Variants in CDC123 observed in about 807,000 individuals in gnomAD.
The protein encoded by CDC123 is cell division cycle 123, also known as translation initiation factor eIF2 assembly protein.
Under a neutral mutation model 54.4 loss-of-function variants are expected in CDC123, and 37 were observed. The observed-to-expected ratio is 0.68, with a 90% CI of 0.52 to 0.89. The LOEUF (loss-of-function observed/expected upper bound fraction) is 0.89. Among genes scored for constraint, CDC123 ranks in the 40% least tolerant of loss-of-function variants. The pLI, the probability that CDC123 is intolerant of heterozygous loss-of-function variation, is 0.00. For missense variants in CDC123, 361 were observed against 412.1 expected (o/e 0.88, Z 1.07); for synonymous variants, 144 against 136.8 (o/e 1.05, Z -0.37).
intron 2 of CDC123, among the ~76,000 whole-genome samples, chr10:12,202,987 C>G (rs1409509100): frequency 6.6e-6 from 1 of 152,210 alleles, no homozygotes; most frequent in East Asian, 1.9e-4. Context: ...TGCACCCCAG[C>G]CTGGGCGACA....
intron 12 of CDC123, 169 bp from the exon 13 acceptor site, chr10:12,250,142 A>G: frequency 2.0e-6 from 1 of 507,874 alleles, no homozygotes; most frequent in Non-Finnish European, 3.5e-6. Flanking sequence ...ACCTGAGGAT[A>G]ATTTGCTCAG....
intron 6 of CDC123, among the ~76,000 whole-genome samples, chr10:12,221,284 G>GAACCCAC (rs57317800): frequency 7.9e-5 from 12 of 152,116 alleles, no homozygotes; most frequent in Non-Finnish European, 1.6e-4. Context: ...AGGTCGCCAG[G>GAACCCAC]GCTCTTTCAG....
chr10:12,196,488 A>G (rs1474270636), intron 1 of CDC123, among the ~76,000 whole-genome samples, 169 bp downstream of exon 1: 1 of 152,142 alleles, frequency 6.6e-6, no homozygotes, highest in Non-Finnish European at 1.5e-5. Context: ...CGAGCCAGCG[A>G]GTGTGCTGGC....
At chr10:12,235,257 C>A in intron 8 of CDC123, 134 bp downstream of exon 8, 1 of 691,524 alleles carries the variant, frequency 1.4e-6, no homozygotes, top group Admixed American at 2.4e-5. Flanking sequence ...CCACCTCTAA[C>A]CAGTTGATAC....
At chr10:12,241,964 G>C (rs958176044) in intron 10 of CDC123, among the ~76,000 whole-genome samples, 1 of 102,368 alleles carries the variant, frequency 9.8e-6, no homozygotes, top group African/African-American at 3.2e-5. Flanking sequence ...TCTGTTCTTC[G>C]GGTTCTTGTT....
chr10:12,240,493 G>T (rs1564258650), intron 10 of CDC123, among the ~76,000 whole-genome samples: 1 of 152,182 alleles, frequency 6.6e-6, no homozygotes, highest in Non-Finnish European at 1.5e-5. Flanking sequence ...ACTGTTAACT[G>T]TTCATTTAAC....
chr10:12,229,289 G>A (rs965837761), intron 6 of CDC123, among the ~76,000 whole-genome samples: 2 of 152,186 alleles, frequency 1.3e-5, no homozygotes, highest in Non-Finnish European at 2.9e-5. Context: ...TCTCCCTTGC[G>A]TAGTTGGAGA....
intron 4 of CDC123, among the ~76,000 whole-genome samples, chr10:12,210,859 C>T (rs1835588615): frequency 6.6e-6 from 1 of 152,052 alleles, no homozygotes; most frequent in African/African-American, 2.4e-5. Context: ...TGACACCATG[C>T]CCGGCTAATT....
At chr10:12,202,493 A>G (rs1419755447) in intron 2 of CDC123, among the ~76,000 whole-genome samples, 1 of 151,956 alleles carries the variant, frequency 6.6e-6, no homozygotes, top group Non-Finnish European at 1.5e-5. Flanking sequence ...CCTCCAGTCC[A>G]ATTCAGTTGA....
intron 10 of CDC123, among the ~76,000 whole-genome samples, chr10:12,239,894 G>A (rs1427301859): frequency 6.6e-6 from 1 of 151,294 alleles, no homozygotes; most frequent in Non-Finnish European, 1.5e-5. Context: ...TGTAGTCCCA[G>A]CTACTCTGGA....
chr10:12,244,064 T>TGAAAACATCCTGC (rs889690482), intron 10 of CDC123, among the ~76,000 whole-genome samples: 5 of 152,324 alleles, frequency 3.3e-5, no homozygotes, highest in African/African-American at 9.6e-5. Context: ...TGGGTTGTGC[T>TGAAAACATCCTGC]GAAAACATCC....
chr10:12,212,875 C>T (rs1025008761), intron 4 of CDC123, among the ~76,000 whole-genome samples: 1 of 152,194 alleles, frequency 6.6e-6, no homozygotes, highest in African/African-American at 2.4e-5. Context: ...AAATCCAAAA[C>T]ACTTCTGGTC....
At chr10:12,225,641 G>C (rs1353966096) in intron 6 of CDC123, among the ~76,000 whole-genome samples, 1 of 149,404 alleles carries the variant, frequency 6.7e-6, no homozygotes, top group Non-Finnish European at 1.5e-5. Context: ...ATTGCATAAT[G>C]AACTTTAGAA....
At position 12,230,943 on chromosome 10, in the gene CDC123, C is replaced by G. The variant is rs765625749; in HGVS notation, c.441-5C>G. On this transcript the variant is annotated splice_region_variant and splice_polypyrimidine_tract_variant and intron_variant, in intron 6 of 12. Coordinates refer to ENST00000281141, the MANE Select transcript of CDC123 (RefSeq NM_006023.3). ...ATTCAGTTGCCTTTTCTTCTTCTTCCAAAGGTTTATTCATTGTACTGATGA... is the reference window on the plus strand; with the variant it reads ...ATTCAGTTGCCTTTTCTTCTTCTTCGAAAGGTTTATTCATTGTACTGATGA... The G allele has an allele frequency of 6.2e-7, 1 of 1,611,490 alleles. No individual in the cohort carries two copies. Among genetic ancestry groups the G allele is most frequent in the Non-Finnish European group, 8.5e-7 (1 of 1,179,202 alleles).
rs577659934 is a variant in CDC123, at chr10:12,196,324, G to A, written c.74+5G>A. The A allele has an allele frequency of 6.2e-6, 10 of 1,610,926 alleles. No homozygotes were observed. The African/African-American group carries it at 9.3e-5, about 15-fold the overall frequency. The stretch of plus-strand genomic sequence containing the variant: ...CCGAGGCGTTACCATCAAGAGGTGA[G>A]ATGGGAGGGGGTTCGCCCGGTCGAC... On this transcript the variant is annotated splice_donor_5th_base_variant and intron_variant, in intron 1 of 12. Transcript: ENST00000281141.
At chr10:12,209,120 C>T in intron 2 of CDC123, among the ~76,000 whole-genome samples, 1 of 152,158 alleles carries the variant, frequency 6.6e-6, no homozygotes, top group East Asian at 1.9e-4. Flanking sequence ...CTAGATGATT[C>T]TCAGTATTAT....
At chr10:12,208,512 G>T (rs1010952656) in intron 2 of CDC123, among the ~76,000 whole-genome samples, 1 of 152,186 alleles carries the variant, frequency 6.6e-6, no homozygotes, top group African/African-American at 2.4e-5. Context: ...GGTACAATGG[G>T]CAGGTCAGCA....
At chr10:12,244,680 G>A (rs1432781469) in intron 10 of CDC123, 1 of 130,346 alleles carries the variant, frequency 7.7e-6, no homozygotes, top group Admixed American at 9.1e-5. Flanking sequence ...CCCTTCATAT[G>A]CTGTCAAGCT....
At chr10:12,243,858 A>G (rs950936992) in intron 10 of CDC123, among the ~76,000 whole-genome samples, 2 of 152,296 alleles carry the variant, frequency 1.3e-5, no homozygotes, top group Middle Eastern at 3.4e-3. Context: ...CATGACATAT[A>G]TTGAAGACAT....
Sources: allele counts gnomAD v4.1 joint callset (sites outside exome capture counted in the v4.1 genomes callset), GRCh38; gene constraint gnomAD v4.1.1; transcripts MANE v1.5; gene names NCBI Gene and HGNC (gene_info 2026-07-23, HGNC 2026-07-21).